Variants in SLC9A2 observed in about 807,000 individuals in gnomAD.
The protein encoded by SLC9A2 is solute carrier family 9 member A2, also known as sodium/hydrogen exchanger 2.
Under a neutral mutation model 71.7 loss-of-function variants are expected in SLC9A2, and 42 were observed. The observed-to-expected ratio is 0.59, with a 90% CI of 0.46 to 0.76. SLC9A2 has a LOEUF of 0.76. SLC9A2 is among the 30% of genes least tolerant of loss of function. The pLI is 0.00. For synonymous variants in SLC9A2, 396 were observed against 392.5 expected (o/e 1.01, Z -0.10); for missense variants, 829 against 1,017.4 (o/e 0.81, Z 2.52).
At chr2:102,659,173 G>A (rs960146491) in intron 2 of SLC9A2, among the ~76,000 whole-genome samples, 1 of 151,872 alleles carries the variant, frequency 6.6e-6, no homozygotes, top group African/African-American at 2.4e-5. Context: ...AATTCTGGGA[G>A]GCTCATGCCT....
rs937665351 is a variant in SLC9A2, at chr2:102,694,570, T to C, written c.1515+67T>C. On this transcript the variant is annotated intron_variant, in intron 6 of 11. Coordinates refer to ENST00000233969, the MANE Select transcript of SLC9A2 (RefSeq NM_003048.6). ...AAATATTTGAATCAGTCAAACAGCT[T>C]GGTACCACGTTGTCCATTTCCTGAA... The C allele has an allele frequency of 8.4e-6, 6 of 713,954 alleles. 1 individual carries two copies. In the South Asian group the frequency reaches 1.2e-4, roughly 14 times the overall value. 44.2% of individuals were successfully genotyped at this position (713,954 alleles called of 1,614,324 possible). A position where few individuals can be genotyped will look rare whatever the true frequency, so the allele number is the denominator to read the frequency against.
chr2:102,663,517 G>T (rs1050904329), intron 2 of SLC9A2, among the ~76,000 whole-genome samples: 1 of 152,162 alleles, frequency 6.6e-6, no homozygotes, highest in Non-Finnish European at 1.5e-5. Context: ...TAAAAAGTGA[G>T]ATGGCATTTG....
chr2:102,655,509 CT>C (rs1223421295), intron 1 of SLC9A2, among the ~76,000 whole-genome samples: 3 of 152,094 alleles, frequency 2.0e-5, no homozygotes, highest in Non-Finnish European at 4.4e-5. Flanking sequence ...GATATTTAAA[CT>C]TTTTTGTTTA....
chr2:102,637,333 G>A (rs1002134758), intron 1 of SLC9A2, among the ~76,000 whole-genome samples: 3 of 152,158 alleles, frequency 2.0e-5, no homozygotes, highest in Non-Finnish European at 4.4e-5. Context: ...TCTCAGCTTG[G>A]GAGACACAAG....
At chr2:102,668,025 G>A (rs891033705) in intron 3 of SLC9A2, among the ~76,000 whole-genome samples, 1 of 151,996 alleles carries the variant, frequency 6.6e-6, no homozygotes, top group Non-Finnish European at 1.5e-5. Flanking sequence ...AGTGAGCCAA[G>A]ATCACACCAC....
chr2:102,710,568 T>C lies in SLC9A2; in HGVS notation c.*2079T>C, dbSNP rs1201171314. The C allele has an allele frequency of 2.0e-5, 3 of 152,282 alleles. No individual in the cohort carries two copies. The highest frequency in any genetic ancestry group is 4.4e-5 in the Non-Finnish European group (3 of 68,028). 9.4% of individuals were successfully genotyped at this position (152,282 alleles called of 1,614,324 possible). A position where few individuals can be genotyped will look rare whatever the true frequency, so the allele number is the denominator to read the frequency against. On this transcript the variant is annotated 3_prime_UTR_variant, in exon 12 of 12. Coordinates refer to ENST00000233969, the MANE Select transcript of SLC9A2 (RefSeq NM_003048.6). ...TTCATCCATACAGAATTTGGATGAC[T>C]ATGTATAAAGGAAAACTTAAATCTT... is the stretch of plus-strand genomic sequence containing the variant.
intron 3 of SLC9A2, among the ~76,000 whole-genome samples, chr2:102,678,369 G>C (rs936704322): frequency 2.6e-5 from 4 of 152,054 alleles, no homozygotes; most frequent in Middle Eastern, 6.8e-3. Context: ...CATGAAAAGG[G>C]GGGGGAAGGA....
chr2:102,632,233 A>ATAATACATATATAT (rs1676389138), intron 1 of SLC9A2, among the ~76,000 whole-genome samples: 1 of 141,074 alleles, frequency 7.1e-6, no homozygotes, highest in African/African-American at 2.7e-5. Context: ...TATTATATAT[A>ATAATACATATATAT]TAATACATAT....
At chr2:102,659,071 A>G (rs1257949095) in intron 2 of SLC9A2, among the ~76,000 whole-genome samples, 2 of 152,150 alleles carry the variant, frequency 1.3e-5, no homozygotes, top group Non-Finnish European at 2.9e-5. Flanking sequence ...TTAATTTTTA[A>G]TTCCCTCTCC....
At chr2:102,632,137 T>TAAAC (rs1491461791) in intron 1 of SLC9A2, among the ~76,000 whole-genome samples, 1 of 108,704 alleles carries the variant, frequency 9.2e-6, no homozygotes, top group Admixed American at 1.0e-4. Context: ...TACATATATA[T>TAAAC]GTATATATAC....
At chr2:102,670,740 G>A (rs564440863) in intron 3 of SLC9A2, among the ~76,000 whole-genome samples, 3 of 151,774 alleles carry the variant, frequency 2.0e-5, no homozygotes, top group South Asian at 4.2e-4. Context: ...GACTGAAGTC[G>A]TCACTGGTGA....
intron 9 of SLC9A2, among the ~76,000 whole-genome samples, chr2:102,704,073 G>A (rs975050949): frequency 2.6e-5 from 4 of 152,170 alleles, no homozygotes; most frequent in African/African-American, 9.7e-5. Flanking sequence ...AGGCTTCAAG[G>A]TAGACATGGC....
In SLC9A2 at chr2:102,620,045, G is replaced by A. The variant is rs1370036281; in HGVS notation, c.197G>A (p.Ser66Asn). 2 of 1,614,110 alleles carry A rather than the reference G, an allele frequency of 1.2e-6. No individual in the cohort carries two copies. Among genetic ancestry groups the A allele is most frequent in the South Asian group, 1.1e-5 (1 of 91,062 alleles). Reference sequence around the variant, plus strand: ...CCCGGAACGACGCTGTTCGAGGAGAGCCGGCTGCCTGTGTTTACGCTGGAT... The same window carrying A: ...CCCGGAACGACGCTGTTCGAGGAGAACCGGCTGCCTGTGTTTACGCTGGAT... Reference protein sequence around the residue: ...VAPGTTLFEESRLPVFTLDYP... With the variant: ...VAPGTTLFEENRLPVFTLDYP... The change falls in exon 1 of 12, where the codon AGC (serine) becomes AAC (asparagine). Residue 66 changes from serine to asparagine, a missense_variant. By Grantham distance (46) the Ser-to-Asn change is conservative. Transcript: ENST00000233969.
At chr2:102,694,840 C>T (rs751817224) in intron 6 of SLC9A2, among the ~76,000 whole-genome samples, 11 of 151,828 alleles carry the variant, frequency 7.2e-5, no homozygotes, top group Non-Finnish European at 1.3e-4. Context: ...GCAAAATAAT[C>T]GAAGACTTAC....
intron 1 of SLC9A2, among the ~76,000 whole-genome samples, chr2:102,649,642 C>G (rs1676794074): frequency 6.6e-6 from 1 of 151,848 alleles, no homozygotes; most frequent in Non-Finnish European, 1.5e-5. Flanking sequence ...ACAAACAACC[C>G]CATCAAAAAG....
chr2:102,641,355 A>G (rs538016110), intron 1 of SLC9A2, among the ~76,000 whole-genome samples: 3 of 152,198 alleles, frequency 2.0e-5, no homozygotes, highest in East Asian at 3.9e-4. Context: ...GCCTTATGGT[A>G]AATCCAAATT....
intron 5 of SLC9A2, among the ~76,000 whole-genome samples, chr2:102,691,441 C>T (rs761584012): frequency 8.5e-5 from 13 of 152,218 alleles, no homozygotes; most frequent in Non-Finnish European, 1.5e-4. Flanking sequence ...CCCTCCCAAC[C>T]AGACACCCAG....
chr2:102,660,347 G>C (rs957630843), intron 2 of SLC9A2, among the ~76,000 whole-genome samples: 3 of 152,172 alleles, frequency 2.0e-5, no homozygotes, highest in African/African-American at 4.8e-5. Flanking sequence ...CAGAACCACT[G>C]TCGTGGTTTC....
At chr2:102,640,403 A>G (rs1676552569) in intron 1 of SLC9A2, among the ~76,000 whole-genome samples, 1 of 152,208 alleles carries the variant, frequency 6.6e-6, no homozygotes. Context: ...ACTGCCCATG[A>G]TTCAGATGAC....
Sources: gnomAD v4.1 joint callset for allele counts (sites outside exome capture counted in the v4.1 genomes callset) on GRCh38, gnomAD v4.1.1 for gene constraint, MANE v1.5 for transcripts, NCBI Gene and HGNC (gene_info 2026-07-23, HGNC 2026-07-21) for gene names.